Variants in FBXL17 observed in about 807,000 individuals in gnomAD.
FBXL17 encodes the protein F-box and leucine rich repeat protein 17, also known as F-box/LRR-repeat protein 17.
A neutral mutation model predicts 66.2 loss-of-function variants in FBXL17; 22 were observed. The ratio of observed to expected loss-of-function variants is 0.33; its 90% confidence interval spans 0.24 to 0.47. FBXL17 has a LOEUF of 0.47. Ranked by LOEUF, FBXL17 falls within the 20% of genes least tolerant of loss-of-function variation. The pLI is 1.00. For missense variants in FBXL17, 878 were observed against 948.2 expected (o/e 0.93, Z 0.97); for synonymous variants, 474 against 400.5 (o/e 1.18, Z -2.19).
chr5:108,146,642 C>A (rs963792793), intron 6 of FBXL17, among the ~76,000 whole-genome samples: 3 of 152,182 alleles, frequency 2.0e-5, no homozygotes, highest in African/African-American at 7.2e-5. Context: ...CTTATGCCAT[C>A]ACCCAAAGAT....
chr5:107,938,208 A>T (rs956277371), intron 7 of FBXL17, among the ~76,000 whole-genome samples: 3 of 152,084 alleles, frequency 2.0e-5, no homozygotes, highest in African/African-American at 7.2e-5. Flanking sequence ...GATTAATGTA[A>T]GCCGGATGAG....
At position 107,881,560 on chromosome 5, in the gene FBXL17, A is replaced by C. The variant is rs556190341; in HGVS notation, c.1823-381T>G. Among the ~76,000 whole-genome samples the C allele has an allele frequency of 1.9e-4, 29 of 152,302 alleles. No individual in the cohort carries two copies. The East Asian group carries it at 5.6e-3, about 29-fold the overall frequency. On this transcript the variant is annotated intron_variant, in intron 7 of 8. Transcript: ENST00000542267. The stretch of plus-strand genomic sequence containing the variant: ...CCAAGATAACTTTAATTTTTTTTTA[A>C]AGAAGAACCCACGTAAACACCATTT...
intron 6 of FBXL17, among the ~76,000 whole-genome samples, chr5:108,026,721 T>A (rs1214980269): frequency 6.6e-6 from 1 of 152,194 alleles, no homozygotes; most frequent in East Asian, 1.9e-4. Context: ...AAAGCCAATA[T>A]CTGATTAGTG....
intron 6 of FBXL17, among the ~76,000 whole-genome samples, chr5:108,118,255 A>G (rs981795483): frequency 6.6e-6 from 1 of 152,202 alleles, no homozygotes; most frequent in African/African-American, 2.4e-5. Flanking sequence ...CTTCAGATTC[A>G]AACCCAACTG....
rs1428465673 is a variant in FBXL17, at chr5:107,929,608, G to A, written c.1823-48429C>T. The stretch of plus-strand genomic sequence containing the variant: ...CTGATTTATTGACAATATTAATTTG[G>A]TGTAAAAGGCAAAAATTGGAGTTGG... On this transcript the variant is annotated intron_variant, in intron 7 of 8. Transcript: ENST00000542267. 3.3e-5 allele frequency among the ~76,000 whole-genome samples: 5 copies of A among 152,044 alleles called. No individual in the cohort carries two copies. In the South Asian group the frequency reaches 1.0e-3, roughly 32 times the overall value.
chr5:108,009,290 T>TAGATAGATAGATAGATGGATAG (rs1287152827), intron 7 of FBXL17, among the ~76,000 whole-genome samples: 1 of 54,716 alleles, frequency 1.8e-5, no homozygotes, highest in Non-Finnish European at 3.1e-5. Context: ...TATATATATA[T>TAGATAGATAGATAGATGGATAG]ATATATATAT....
chr5:107,935,411 A>G (rs7722583), intron 7 of FBXL17, among the ~76,000 whole-genome samples: 132,868 of 149,992 alleles, frequency 0.89, 59,190 homozygotes, highest in Middle Eastern at 0.93. Flanking sequence ...ATATATATAT[A>G]TGTGTGTGTG....
At chr5:108,323,493 T>A (rs760124580) in intron 4 of FBXL17, among the ~76,000 whole-genome samples, 3 of 151,966 alleles carry the variant, frequency 2.0e-5, no homozygotes, top group Non-Finnish European at 4.4e-5. Flanking sequence ...TGAATTGGAA[T>A]ACTTAATATT....
intron 7 of FBXL17, among the ~76,000 whole-genome samples, chr5:107,915,460 G>A (rs1750097400): frequency 6.6e-6 from 1 of 152,154 alleles, no homozygotes; most frequent in Non-Finnish European, 1.5e-5. Flanking sequence ...TGGGATAGGG[G>A]ACTGGTTTAT....
chr5:107,924,743 A>G (rs1750445562), intron 7 of FBXL17, among the ~76,000 whole-genome samples: 1 of 152,174 alleles, frequency 6.6e-6, no homozygotes, highest in Non-Finnish European at 1.5e-5. Context: ...CCTGAAAGCA[A>G]TTTCACCAGA....
chr5:108,221,061 T>C (rs1754843700), intron 5 of FBXL17, among the ~76,000 whole-genome samples: 1 of 152,224 alleles, frequency 6.6e-6, no homozygotes, highest in Non-Finnish European at 1.5e-5. Context: ...CTGGTTATTC[T>C]GGACTCTCAT....
intron 6 of FBXL17, among the ~76,000 whole-genome samples, chr5:108,024,651 A>G (rs910800889): frequency 6.6e-6 from 1 of 151,920 alleles, no homozygotes; most frequent in African/African-American, 2.4e-5. Flanking sequence ...TGTTGAGTAC[A>G]TATATATAAA....
At chr5:107,920,959 T>C (rs1410170166) in intron 7 of FBXL17, among the ~76,000 whole-genome samples, 1 of 152,206 alleles carries the variant, frequency 6.6e-6, no homozygotes, top group Non-Finnish European at 1.5e-5. Context: ...CATTTCTGTT[T>C]TCATAGAACT....
chr5:108,337,798 T>C (rs1760458784), intron 4 of FBXL17, among the ~76,000 whole-genome samples: 1 of 151,600 alleles, frequency 6.6e-6, no homozygotes, highest in Admixed American at 6.6e-5. Flanking sequence ...ATAAAAATAG[T>C]ATTTTGGAAA....
chr5:108,278,846 T>G (rs1475050822), intron 4 of FBXL17, among the ~76,000 whole-genome samples: 1 of 151,964 alleles, frequency 6.6e-6, no homozygotes, highest in Non-Finnish European at 1.5e-5. Flanking sequence ...CCACTGGGGG[T>G]CCTGAGTGCA....
chr5:107,983,340 C>T (rs1280155393), intron 7 of FBXL17, among the ~76,000 whole-genome samples: 3 of 151,996 alleles, frequency 2.0e-5, no homozygotes, highest in Admixed American at 6.6e-5. Flanking sequence ...TACAGGCACG[C>T]GCCACTATGC....
chr5:108,186,940 A>G (rs773655184), intron 5 of FBXL17, among the ~76,000 whole-genome samples: 1 of 152,182 alleles, frequency 6.6e-6, no homozygotes, highest in Non-Finnish European at 1.5e-5. Flanking sequence ...CTTCATAATT[A>G]TGCCATTTCT....
At chr5:108,355,610 T>C (rs546592062) in intron 3 of FBXL17, among the ~76,000 whole-genome samples, 1 of 152,244 alleles carries the variant, frequency 6.6e-6, no homozygotes, top group African/African-American at 2.4e-5. Context: ...TTTGTTATTA[T>C]AAGATATTTT....
At chr5:108,070,506 T>C (rs950234614) in intron 6 of FBXL17, among the ~76,000 whole-genome samples, 20 of 152,220 alleles carry the variant, frequency 1.3e-4, no homozygotes, top group Non-Finnish European at 2.9e-4. Flanking sequence ...GTATACCTTA[T>C]CACTACGAAT....
Sources: allele counts gnomAD v4.1 joint callset (sites outside exome capture counted in the v4.1 genomes callset), GRCh38; gene constraint gnomAD v4.1.1; transcripts MANE v1.5; gene names NCBI Gene and HGNC (gene_info 2026-07-23, HGNC 2026-07-21).